The following GPS1 variants were observed in gnomAD, a reference collection of about 807,000 sequenced individuals.
The protein encoded by GPS1 is COP9 signalosome complex subunit 1.
GPS1 carries 11 observed loss-of-function variants against 60.0 expected under a neutral mutation model. The observed-to-expected ratio is 0.18, with a 90% confidence interval of 0.12 to 0.30. GPS1 has a LOEUF of 0.30. Ranked by LOEUF, GPS1 falls within the 10% of genes least tolerant of loss-of-function variation. The pLI is 1.00. For synonymous variants in GPS1, 343 were observed against 269.8 expected (o/e 1.27, Z -2.66); for missense variants, 543 against 669.2 (o/e 0.81, Z 2.08).
At chr17:82,051,271 G>A (rs778561237), upstream of GPS1, 2 of 1,354,320 alleles carry the variant, frequency 1.5e-6, no homozygotes, top group Non-Finnish European at 1.9e-6. This position sits in a 1 kb window ranked among gnomAD's most constrained non-coding sequence, Gnocchi z 4.1. Flanking sequence ...TCCCGCGGGC[G>A]CCGGGGAGTG....
In GPS1 at chr17:82,056,400, CGCCTGGGGTAGGGGTGAGGTGGGGCCCT is replaced by C; in HGVS notation, c.1035+16_1036-36del. ...TGCTGGACGAGATGAAGGTGGGCCC[CGCCTGGGGTAGGGGTGAGGTGGGGCCCT>C]GCCTGGCCTCCTGTCCTGGTCCTGA... is the stretch of plus-strand genomic sequence containing the variant. On this transcript the variant is annotated intron_variant, in intron 9 of 12. Coordinates refer to ENST00000578552, the MANE Select transcript of GPS1 (RefSeq NM_001321092.3). 1 of 1,612,660 alleles carries C rather than the reference CGCCTGGGGTAGGGGTGAGGTGGGGCCCT, an allele frequency of 6.2e-7. No individual in the cohort carries two copies. The highest frequency in any genetic ancestry group is 8.5e-7 in the Non-Finnish European group (1 of 1,179,516).
At chr17:82,051,417 C>A, upstream of GPS1, 1 of 1,390,904 alleles carries the variant, frequency 7.2e-7, no homozygotes, top group East Asian at 3.0e-5. The surrounding 1 kb of genome is among the most constrained non-coding windows in gnomAD (Gnocchi z 4.1). Flanking sequence ...CGCGGAGCCT[C>A]CGGGGGCCTG....
chr17:82,056,844 T>C lies in GPS1; in HGVS notation c.1259T>C (p.Leu420Pro). 6.2e-7 allele frequency: 1 copy of C among 1,612,552 alleles called. No homozygotes were observed. The highest frequency in any genetic ancestry group is 1.3e-5 in the African/African-American group (1 of 75,008). The change falls in exon 12 of 13, where the codon CTA (leucine) becomes CCA (proline). Residue 420 changes from leucine to proline, a missense_variant. Coordinates refer to ENST00000578552, the MANE Select transcript of GPS1 (RefSeq NM_001321092.3). ...GCTGAGCTTGTGCCTGCACAGATCC[T>C]ATACGCCCGGGACGTGGATCAGCGC... is the stretch of plus-strand genomic sequence containing the variant. ...SARVDSHSKI[L>P]YARDVDQRST... is the part of the protein sequence containing the mutation.
chr17:82,055,279 C>T (rs1366480098), intron 6 of GPS1, 57 bp downstream of exon 6: 4 of 1,502,626 alleles, frequency 2.7e-6, no homozygotes, highest in Non-Finnish European at 3.6e-6. Flanking sequence ...TAAGTCCTCC[C>T]AGCCCAGGGC....
In GPS1 at chr17:82,053,927, C is replaced by T; in HGVS notation, c.186C>T (p.Phe62=). 1 of 1,612,960 alleles carries T rather than the reference C, an allele frequency of 6.2e-7. No homozygotes were observed. The highest frequency in any genetic ancestry group is 8.5e-7 in the Non-Finnish European group (1 of 1,179,942). ...SGLMRIERLQ[F]IADHCPTLRV... ...TGATGCGCATCGAACGGCTGCAGTT[C>T]ATTGCTGATCACTGCCCCACGCTGC... is the stretch of plus-strand genomic sequence containing the variant. The change falls in exon 3 of 13, where the codon TTC becomes TTT. Residue 62 remains phenylalanine, a synonymous_variant. Coordinates refer to ENST00000578552, the MANE Select transcript of GPS1 (RefSeq NM_001321092.3).
upstream of GPS1, chr17:82,051,286 A>C: frequency 7.3e-7 from 1 of 1,378,624 alleles, no homozygotes; most frequent in Non-Finnish European, 9.4e-7. This position sits in a 1 kb window ranked among gnomAD's most constrained non-coding sequence, Gnocchi z 4.1. Flanking sequence ...GGAGTGGGGG[A>C]CACTCACCGC....
At chr17:82,051,689 C>T (rs1339606660), upstream of GPS1, 1 of 1,005,372 alleles carries the variant, frequency 9.9e-7, no homozygotes, top group Non-Finnish European at 1.2e-6. The surrounding 1 kb of genome is among the most constrained non-coding windows in gnomAD (Gnocchi z 4.1). Flanking sequence ...GCAGCGGCAG[C>T]GGCAGTAACA....
chr17:82,056,810 C>G (rs780533202), intron 11 of GPS1, 30 bp from the exon 12 acceptor site: 1 of 1,609,416 alleles, frequency 6.2e-7, no homozygotes, highest in Non-Finnish European at 8.5e-7. Context: ...GGGGGTGAGC[C>G]TGGGCCCCGC....
chr17:82,052,490 G>A (rs778320214), intron 1 of GPS1: 2 of 1,599,052 alleles, frequency 1.3e-6, no homozygotes, highest in Non-Finnish European at 1.7e-6. Context: ...CCCCGAGCGA[G>A]GGAGGGGGGA....
chr17:82,056,694 C>T lies in GPS1; in HGVS notation c.1182C>T (p.Ala394=), dbSNP rs780251135. 2.1e-5 allele frequency: 33 copies of T among 1,595,636 alleles called. No homozygotes were observed. The highest frequency in any genetic ancestry group is 9.4e-5 in the African/African-American group (7 of 74,728). Residue 394 remains alanine, a synonymous_variant, in exon 11 of 13, where the codon GCC becomes GCT. Coordinates refer to ENST00000578552, the MANE Select transcript of GPS1 (RefSeq NM_001321092.3). ...CGGCAGCCTTCAATACCACGGTGGCCGCCCTGGAGGACGAGCTGACGCAGC... is the reference window on the plus strand; with the variant it reads ...CGGCAGCCTTCAATACCACGGTGGCTGCCCTGGAGGACGAGCTGACGCAGC... ...RMAAAFNTTV[A]ALEDELTQLI... is the part of the protein sequence containing the mutation.
chr17:82,052,356 T>C, intron 1 of GPS1: 1 of 1,612,806 alleles, frequency 6.2e-7, no homozygotes, highest in Non-Finnish European at 8.5e-7. Context: ...GTGACAGATC[T>C]GTACTGCACC....
intron 1 of GPS1, chr17:82,052,280 T>A: frequency 6.2e-7 from 1 of 1,609,102 alleles, no homozygotes; most frequent in Non-Finnish European, 8.5e-7. Context: ...TGTGTCAGGG[T>A]CGGGGGGTGC....
chr17:82,052,389 TCGTC>T (rs918471852), intron 1 of GPS1: 5 of 1,612,214 alleles, frequency 3.1e-6, no homozygotes, highest in Non-Finnish European at 4.2e-6. Context: ...AGGTCAGACC[TCGTC>T]CTGCCCGGCA....
intron 1 of GPS1, chr17:82,052,805 G>A (rs1598484445): frequency 8.6e-6 from 3 of 350,436 alleles, no homozygotes; most frequent in East Asian, 1.2e-4. Flanking sequence ...ACTCCGTGGC[G>A]TGACTCTCAG....
Position 82,054,793 on chromosome 17 carries a change from T to C in GPS1, c.592T>C (p.Cys198Arg). The C allele has an allele frequency of 6.2e-7, 1 of 1,601,042 alleles. No homozygotes were observed. The highest frequency in any genetic ancestry group is 8.5e-7 in the Non-Finnish European group (1 of 1,172,080). Residue 198 changes from cysteine to arginine, a missense_variant, in exon 4 of 13, where the codon TGC becomes CGC. Coordinates refer to ENST00000578552, the MANE Select transcript of GPS1 (RefSeq NM_001321092.3). ...CTSAKHVINM[C>R]LNVIKVSVYL... ...CAGCGCCAAACACGTCATCAACATG[T>C]GCCTCAATGTCATCAAGGTCGGCCT...
chr17:82,051,275 G>A, upstream of GPS1: 2 of 1,364,878 alleles, frequency 1.5e-6, no homozygotes, highest in Non-Finnish European at 1.9e-6. The surrounding 1 kb of genome is among the most constrained non-coding windows in gnomAD (Gnocchi z 4.1). Flanking sequence ...GCGGGCGCCG[G>A]GGAGTGGGGG....
chr17:82,052,615 G>A (rs755240495), intron 1 of GPS1: 450 of 878,812 alleles, frequency 5.1e-4, no homozygotes, highest in Non-Finnish European at 6.8e-4. Flanking sequence ...CGGGGCCTGC[G>A]GAGGGAGCCG....
At chr17:82,051,591 T>G, upstream of GPS1, 1 of 1,304,632 alleles carries the variant, frequency 7.7e-7, no homozygotes. This position sits in a 1 kb window ranked among gnomAD's most constrained non-coding sequence, Gnocchi z 4.1. Flanking sequence ...GATGAAGACG[T>G]CGTCAGGCCG....
At chr17:82,053,647 G>T in intron 2 of GPS1, 1 of 568,318 alleles carries the variant, frequency 1.8e-6, no homozygotes, top group South Asian at 2.5e-5. Flanking sequence ...AAGCCCCCGG[G>T]TGCAGGGTCC....
Sources: allele counts gnomAD v4.1 joint callset, GRCh38; gene constraint gnomAD v4.1.1; non-coding constraint Gnocchi (gnomAD v3.1); transcripts MANE v1.5; gene names NCBI Gene and HGNC (gene_info 2026-07-23, HGNC 2026-07-21).